Variants in PCED1B observed in about 807,000 individuals in gnomAD.
PCED1B encodes the protein PC-esterase domain-containing protein 1B.
For synonymous variants in PCED1B, 251 were observed against 246.1 expected, an observed-to-expected ratio of 1.02 and a Z score of -0.19; for missense variants, 573 against 573.9, an observed-to-expected ratio of 1.00 and a Z score of 0.02.
Position 47,124,001 on chromosome 12 carries a change from C to T in PCED1B, c.-526+19806C>T, listed in dbSNP as rs544534481. Among the ~76,000 whole-genome samples, 30 of 151,938 alleles carry T rather than the reference C, an allele frequency of 2.0e-4. 1 individual carries two copies. The highest frequency in any genetic ancestry group is 2.1e-4 in the Non-Finnish European group (14 of 67,870). ...AAACAGTGCAATGAACATCTTTGTA[C>T]TTACATTTTTAACAACTTCATTGAT... On this transcript the variant is annotated intron_variant, in intron 2 of 3. Transcript: ENST00000546455.
intron 2 of PCED1B, among the ~76,000 whole-genome samples, chr12:47,160,874 G>A (rs548029510): frequency 2.0e-5 from 3 of 152,264 alleles, no homozygotes; most frequent in African/African-American, 7.2e-5. Flanking sequence ...GTGTGGTTCG[G>A]TTCTGTTCTT....
chr12:47,220,083 AAAAAAAAG>A (rs1943429938), intron 3 of PCED1B, among the ~76,000 whole-genome samples: 2 of 144,920 alleles, frequency 1.4e-5, no homozygotes, highest in African/African-American at 5.0e-5. Flanking sequence ...AAAAAAAAAA[AAAAAAAAG>A]AAGAAGAAGA....
intron 2 of PCED1B, among the ~76,000 whole-genome samples, chr12:47,139,653 G>C (rs913719918): frequency 1.3e-5 from 2 of 152,126 alleles, no homozygotes; most frequent in African/African-American, 4.8e-5. Flanking sequence ...ATGTATGTGT[G>C]GTATGGTATG....
chr12:47,085,646 A>C (rs1444668846), intron 1 of PCED1B, among the ~76,000 whole-genome samples: 1 of 152,204 alleles, frequency 6.6e-6, no homozygotes, highest in African/African-American at 2.4e-5. Flanking sequence ...TTTGTAAAAG[A>C]AAAAATATAT....
intron 1 of PCED1B, among the ~76,000 whole-genome samples, chr12:47,096,401 C>T (rs879739633): frequency 2.0e-5 from 3 of 150,622 alleles, no homozygotes; most frequent in Admixed American, 2.0e-4. Flanking sequence ...GATTATTTAT[C>T]TTCTTTATAT....
intron 3 of PCED1B, among the ~76,000 whole-genome samples, chr12:47,222,523 A>C (rs1234890967): frequency 2.0e-5 from 3 of 151,450 alleles, no homozygotes; most frequent in Non-Finnish European, 4.4e-5. Flanking sequence ...AGATAACTTT[A>C]TTCTCTCTAC....
intron 2 of PCED1B, among the ~76,000 whole-genome samples, chr12:47,184,325 G>A (rs1478235224): frequency 6.6e-6 from 1 of 151,944 alleles, no homozygotes; most frequent in Admixed American, 6.6e-5. Flanking sequence ...CGACCAGCTG[G>A]GGAAGGGGAG....
At chr12:47,090,089 A>G (rs1004566890) in intron 1 of PCED1B, among the ~76,000 whole-genome samples, 1 of 152,232 alleles carries the variant, frequency 6.6e-6, no homozygotes, top group South Asian at 2.1e-4. Flanking sequence ...CTTAATATAC[A>G]GGAAATACCA....
intron 2 of PCED1B, among the ~76,000 whole-genome samples, chr12:47,134,687 G>A (rs567024161): frequency 6.6e-6 from 1 of 152,282 alleles, no homozygotes; most frequent in South Asian, 2.1e-4. Context: ...GGCCAACAAG[G>A]TGAAACCCCA....
intron 2 of PCED1B, among the ~76,000 whole-genome samples, chr12:47,127,748 T>A (rs537734143): frequency 1.3e-5 from 2 of 152,342 alleles, no homozygotes; most frequent in Admixed American, 1.3e-4. Flanking sequence ...TATTTAGATA[T>A]GTTTTATGGC....
chr12:47,085,275 C>G (rs1044306098), intron 1 of PCED1B, among the ~76,000 whole-genome samples: 4 of 152,194 alleles, frequency 2.6e-5, no homozygotes, highest in African/African-American at 9.7e-5. Context: ...AACAATGTGT[C>G]CTCTGTTGCC....
chr12:47,142,137 C>T (rs1940617783), intron 2 of PCED1B, among the ~76,000 whole-genome samples: 1 of 152,140 alleles, frequency 6.6e-6, no homozygotes, highest in African/African-American at 2.4e-5. Flanking sequence ...GGCCTACTGA[C>T]CAAAAACTTA....
At chr12:47,196,700 C>T (rs1039981773) in intron 2 of PCED1B, among the ~76,000 whole-genome samples, 12 of 152,178 alleles carry the variant, frequency 7.9e-5, no homozygotes, top group Non-Finnish European at 1.0e-4. Flanking sequence ...TGGTGGCGGG[C>T]GCCTGTAATC....
intron 2 of PCED1B, among the ~76,000 whole-genome samples, chr12:47,171,065 CTTTTTT>C (rs71437788): frequency 8.2e-6 from 1 of 121,346 alleles, no homozygotes; most frequent in Non-Finnish European, 1.7e-5. Flanking sequence ...GCCAGGTTAC[CTTTTTT>C]TTTTTTTTTT....
intron 1 of PCED1B, among the ~76,000 whole-genome samples, chr12:47,086,995 A>T (rs1018072609): frequency 3.3e-5 from 5 of 152,226 alleles, no homozygotes; most frequent in Non-Finnish European, 5.9e-5. Context: ...ACTAAACAAA[A>T]TAAAATTGAG....
At chr12:47,147,072 C>G (rs1940818085) in intron 2 of PCED1B, among the ~76,000 whole-genome samples, 1 of 139,998 alleles carries the variant, frequency 7.1e-6, no homozygotes, top group Non-Finnish European at 1.5e-5. Flanking sequence ...GCAATCTCGG[C>G]TCACTGCAAT....
chr12:47,196,371 A>T (rs950212373), intron 2 of PCED1B, among the ~76,000 whole-genome samples: 1 of 152,250 alleles, frequency 6.6e-6, no homozygotes, highest in Admixed American at 6.5e-5. Flanking sequence ...TAAAATGGAG[A>T]TAATAGTACC....
chr12:47,233,051 C>T (rs1943858453), intron 3 of PCED1B, among the ~76,000 whole-genome samples: 1 of 152,102 alleles, frequency 6.6e-6, no homozygotes, highest in South Asian at 2.1e-4. Flanking sequence ...ATCCTCCCGC[C>T]TCAGTCGTGC....
At chr12:47,144,549 A>C (rs1940715804) in intron 2 of PCED1B, among the ~76,000 whole-genome samples, 1 of 152,132 alleles carries the variant, frequency 6.6e-6, no homozygotes, top group South Asian at 2.1e-4. Context: ...CATACATTGC[A>C]TTTCTAAAAA....
Sources: allele counts gnomAD v4.1 joint callset (sites outside exome capture counted in the v4.1 genomes callset), GRCh38; gene constraint gnomAD v4.1.1; transcripts MANE v1.5; gene names NCBI Gene and HGNC (gene_info 2026-07-23, HGNC 2026-07-21).